Variants in DAGLB observed in about 807,000 individuals in gnomAD.
The protein encoded by DAGLB is diacylglycerol lipase beta, also known as diacylglycerol lipase-beta.
In DAGLB, 66 loss-of-function variants were observed where a neutral mutation model predicts 72.1. That is an observed-to-expected ratio of 0.92 (90% CI 0.75 to 1.12). The LOEUF is 1.12. DAGLB is among the 50% of genes most tolerant of loss of function. The pLI, the probability that DAGLB is intolerant of heterozygous loss-of-function variation, is 0.00. For synonymous variants in DAGLB, 414 were observed against 359.5 expected, an observed-to-expected ratio of 1.15 and a Z score of -1.71; for missense variants, 1,065 against 884.9, an observed-to-expected ratio of 1.20 and a Z score of -2.58.
intron 8 of DAGLB, chr7:6,422,236 G>C: frequency 3.0e-6 from 1 of 329,232 alleles, no homozygotes; most frequent in Non-Finnish European, 6.1e-6. Context: ...TCAGAGGATG[G>C]GGCACAGCCC....
intron 2 of DAGLB, 75 bp downstream of exon 2, chr7:6,445,878 A>G (rs1354117791): frequency 4.9e-5 from 71 of 1,454,656 alleles, no homozygotes; most frequent in Non-Finnish European, 6.1e-5. Context: ...ACAGAAGTGA[A>G]TTGTATGGTA....
At chr7:6,440,519 TCA>T (rs1784795869) in intron 2 of DAGLB, among the ~76,000 whole-genome samples, 1 of 152,158 alleles carries the variant, frequency 6.6e-6, no homozygotes. Context: ...GAGAGGAGTA[TCA>T]GCCAAAAGCT....
intron 6 of DAGLB, among the ~76,000 whole-genome samples, chr7:6,429,007 T>G (rs901790959): frequency 5.3e-5 from 8 of 151,954 alleles, no homozygotes; most frequent in African/African-American, 1.9e-4. Context: ...TTTTGCCAGG[T>G]TGCCCAGGCT....
chr7:6,437,888 C>T (rs543271904), intron 2 of DAGLB, among the ~76,000 whole-genome samples: 2 of 152,242 alleles, frequency 1.3e-5, no homozygotes, highest in South Asian at 2.1e-4. Context: ...GTGATCTGCC[C>T]GCCTTTGCCT....
chr7:6,409,378 C>G lies in DAGLB; in HGVS notation c.*459G>C, dbSNP rs771634630. 9.9e-5 allele frequency: 16 copies of G among 161,568 alleles called. No individual in the cohort carries two copies. Among genetic ancestry groups the G allele is most frequent in the Non-Finnish European group, 1.8e-4 (13 of 73,268 alleles). 10.0% of individuals were successfully genotyped at this position (161,568 alleles called of 1,614,324 possible). A position where few individuals can be genotyped will look rare whatever the true frequency, so the allele number is the denominator to read the frequency against. Reference sequence around the variant, plus strand: ...ACGCCCAGGAGAAAACCCCAGCCCGCACCCTCACCACAGTTCCATTTGTAC... The same window carrying G: ...ACGCCCAGGAGAAAACCCCAGCCCGGACCCTCACCACAGTTCCATTTGTAC... On this transcript the variant is annotated 3_prime_UTR_variant, in exon 15 of 15. Transcript: ENST00000297056.
At chr7:6,413,396 C>T (rs11772942) in intron 11 of DAGLB, among the ~76,000 whole-genome samples, 25,218 of 151,974 alleles carry the variant, frequency 0.17, 2,494 homozygotes, top group East Asian at 0.23. Flanking sequence ...TTTGGGAGGC[C>T]GAGGCAGGCG....
At chr7:6,421,938 C>A (rs1353775266) in intron 8 of DAGLB, 134 bp from the exon 9 acceptor site, 2 of 993,350 alleles carry the variant, frequency 2.0e-6, no homozygotes, top group Non-Finnish European at 3.1e-6. Flanking sequence ...GGTCCTGGGA[C>A]TGAACCCTAA....
chr7:6,432,438 A>T (rs1156278902), intron 5 of DAGLB, among the ~76,000 whole-genome samples: 2 of 151,326 alleles, frequency 1.3e-5, no homozygotes, highest in African/African-American at 4.9e-5. Flanking sequence ...TGGGCAGATC[A>T]TGAGGTGAAG....
intron 1 of DAGLB, among the ~76,000 whole-genome samples, chr7:6,447,384 A>G (rs1369978648): frequency 2.6e-5 from 4 of 152,178 alleles, no homozygotes; most frequent in Non-Finnish European, 5.9e-5. Flanking sequence ...CTCCCGCCTC[A>G]AGAAAGGAGA....
chr7:6,434,255 A>T (rs1298683475), intron 4 of DAGLB, among the ~76,000 whole-genome samples: 1 of 151,662 alleles, frequency 6.6e-6, no homozygotes, highest in Admixed American at 6.6e-5. Flanking sequence ...AAAAACAAGC[A>T]TTTTCAAATT....
intron 6 of DAGLB, 52 bp downstream of exon 6, chr7:6,430,428 T>C: frequency 9.0e-7 from 1 of 1,106,562 alleles, no homozygotes; most frequent in Non-Finnish European, 1.2e-6. Flanking sequence ...TCAAAATAGC[T>C]TTTTTTTTTA....
chr7:6,411,451 G>A (rs916185017), intron 13 of DAGLB, among the ~76,000 whole-genome samples: 2 of 152,296 alleles, frequency 1.3e-5, no homozygotes, highest in South Asian at 4.1e-4. Context: ...GTAAGACCCT[G>A]TCTCTACAAA....
Position 6,412,932 on chromosome 7 carries a change from C to T in DAGLB, c.1496+34G>A, listed in dbSNP as rs1412413508. The T allele has an allele frequency of 3.1e-6, 5 of 1,613,298 alleles. No homozygotes were observed. In the South Asian group the frequency reaches 5.5e-5, roughly 18 times the overall value. ...AGGCTGGGACCTGGCACTCCCAACC[C>T]CCCAGCCCTGGGCACAGCACCAGGT... On this transcript the variant is annotated intron_variant, in intron 12 of 14. Coordinates refer to ENST00000297056, the MANE Select transcript of DAGLB (RefSeq NM_139179.4).
rs201602908 is a variant in DAGLB at position 6,409,943 on chromosome 7, T to C, written c.1913A>G (p.Asp638Gly). The C allele has an allele frequency of 7.4e-6, 12 of 1,614,098 alleles. No individual in the cohort carries two copies. Among genetic ancestry groups the C allele is most frequent in the Non-Finnish European group, 1.0e-5 (12 of 1,180,030 alleles). The part of the protein sequence containing the change: ...KILIGPKMLT[D>G]HMPDILMRAL... ...CCGCATCAGGATGTCTGGCATGTGG[T>C]CGGTGAGCATCTTCGGACCTATGAG... Residue 638 changes from aspartate to glycine, a missense_variant, in exon 15 of 15, where the codon GAC becomes GGC. Transcript: ENST00000297056.
At position 6,446,119 on chromosome 7, in the gene DAGLB, A is replaced by C; in HGVS notation, c.96-15T>G. Reference sequence around the variant, plus strand: ...TGCCAATCCACCTGGCAAAAAAAAAAAAGGGAAGGGTCAGAAATGAAATCC... The same window carrying C: ...TGCCAATCCACCTGGCAAAAAAAAACAAGGGAAGGGTCAGAAATGAAATCC... On this transcript the variant is annotated splice_polypyrimidine_tract_variant and intron_variant, in intron 1 of 14. Transcript: ENST00000297056. 1 of 1,585,898 alleles carries C rather than the reference A, an allele frequency of 6.3e-7. No homozygotes were observed. Among genetic ancestry groups the C allele is most frequent in the South Asian group, 1.1e-5 (1 of 87,470 alleles).
At chr7:6,430,776 G>A (rs1007842899) in intron 5 of DAGLB, among the ~76,000 whole-genome samples, 169 bp from the exon 6 acceptor site, 3 of 151,780 alleles carry the variant, frequency 2.0e-5, no homozygotes, top group African/African-American at 7.3e-5. Context: ...GGATGACATG[G>A]ACTCCTCATT....
At chr7:6,424,098 A>G (rs1784224194) in intron 8 of DAGLB, among the ~76,000 whole-genome samples, 1 of 152,148 alleles carries the variant, frequency 6.6e-6, no homozygotes, top group African/African-American at 2.4e-5. Flanking sequence ...TGGAGTCTCA[A>G]CTCATTTTCT....
chr7:6,425,115 G>A (rs1784262407), intron 7 of DAGLB, among the ~76,000 whole-genome samples: 1 of 152,212 alleles, frequency 6.6e-6, no homozygotes, highest in Non-Finnish European at 1.5e-5. Flanking sequence ...GGTGCGGCCT[G>A]GACCTCAGCA....
chr7:6,418,034 C>A (rs956265062), intron 9 of DAGLB, among the ~76,000 whole-genome samples: 1 of 151,978 alleles, frequency 6.6e-6, no homozygotes, highest in Non-Finnish European at 1.5e-5. Context: ...TCACACCCAG[C>A]TAATTTTTGT....
Sources: gnomAD v4.1 joint callset for allele counts (sites outside exome capture counted in the v4.1 genomes callset) on GRCh38, gnomAD v4.1.1 for gene constraint, MANE v1.5 for transcripts, NCBI Gene and HGNC (gene_info 2026-07-23, HGNC 2026-07-21) for gene names.